Variants in DRC8 observed in about 807,000 individuals in gnomAD.
The protein encoded by DRC8 is dynein regulatory complex subunit 8.
the DRC8 span, among the ~76,000 whole-genome samples, chr1:245,116,774 A>G: frequency 1.3e-5 from 2 of 152,198 alleles, no homozygotes; most frequent in African/African-American, 4.8e-5. Context: ...GAAATATTTT[A>G]TCAACTAAAT....
chr1:245,007,381 C>T, the DRC8 span, among the ~76,000 whole-genome samples: 1 of 152,000 alleles, frequency 6.6e-6, no homozygotes, highest in Non-Finnish European at 1.5e-5. Flanking sequence ...CATTTAGGGA[C>T]AGATGGAGAC....
the DRC8 span, among the ~76,000 whole-genome samples, chr1:245,064,054 A>G: frequency 6.6e-6 from 1 of 152,158 alleles, no homozygotes; most frequent in Non-Finnish European, 1.5e-5. Context: ...AAAAAGAGAA[A>G]GAAAATTGAA....
chr1:245,037,521 T>G, the DRC8 span, among the ~76,000 whole-genome samples: 1 of 152,154 alleles, frequency 6.6e-6, no homozygotes, highest in Non-Finnish European at 1.5e-5. Flanking sequence ...GTTTCTTACT[T>G]AATAAAGAAG....
chr1:244,970,641 GCCCCGCCCCGCCCCGCCTCTCTCCC>G, the DRC8 span: 2 of 90,098 alleles, frequency 2.2e-5, no homozygotes. Context: ...CCGCCGCTCC[GCCCCGCCCCGCCCCGCCTCTCTCCC>G]CCGCCCCGCC....
At chr1:245,065,300 G>A in the DRC8 span, among the ~76,000 whole-genome samples, 7 of 151,880 alleles carry the variant, frequency 4.6e-5, no homozygotes, top group Non-Finnish European at 8.8e-5. Context: ...TGATCTGCCC[G>A]CCTCGGCCTC....
the DRC8 span, chr1:245,075,644 T>C: frequency 6.6e-6 from 1 of 152,022 alleles, no homozygotes; most frequent in Non-Finnish European, 1.5e-5. Context: ...TTAAGATGAA[T>C]TCCCTGCGAA....
At chr1:245,051,455 T>G in the DRC8 span, among the ~76,000 whole-genome samples, 1 of 150,660 alleles carries the variant, frequency 6.6e-6, no homozygotes. Context: ...AGCTTGGGGG[T>G]AGGGGACAGT....
chr1:244,985,088 T>TTTG, the DRC8 span, among the ~76,000 whole-genome samples: 3 of 151,366 alleles, frequency 2.0e-5, no homozygotes, highest in East Asian at 5.8e-4. Flanking sequence ...TTTTTTTTTT[T>TTTG]TTTTTTTTTT....
chr1:244,974,942 T>C, the DRC8 span, among the ~76,000 whole-genome samples: 48 of 152,184 alleles, frequency 3.2e-4, no homozygotes, highest in Non-Finnish European at 2.9e-5. Context: ...ATTTTTATTT[T>C]TTTTTTGAGA....
chr1:245,091,752 T>C, the DRC8 span: 1 of 152,236 alleles, frequency 6.6e-6, no homozygotes, highest in African/African-American at 2.4e-5. Flanking sequence ...TCTCATTTTA[T>C]CTCCTAAGTT....
At chr1:245,108,118 C>G in the DRC8 span, among the ~76,000 whole-genome samples, 1 of 152,100 alleles carries the variant, frequency 6.6e-6, no homozygotes, top group African/African-American at 2.4e-5. Context: ...CTTTAGACGT[C>G]TCTCCCCGTC....
At chr1:245,006,136 A>G in the DRC8 span, among the ~76,000 whole-genome samples, 1 of 152,166 alleles carries the variant, frequency 6.6e-6, no homozygotes, top group Non-Finnish European at 1.5e-5. Context: ...GGCCTTGCGA[A>G]CCATTGGAGG....
the DRC8 span, among the ~76,000 whole-genome samples, chr1:245,052,759 G>A: frequency 2.0e-5 from 3 of 152,182 alleles, no homozygotes; most frequent in South Asian, 6.2e-4. Context: ...TGAGAAGGAG[G>A]CTTGCCATCT....
At chr1:245,008,888 A>G in the DRC8 span, among the ~76,000 whole-genome samples, 1 of 151,682 alleles carries the variant, frequency 6.6e-6, no homozygotes, top group South Asian at 2.1e-4. Flanking sequence ...AGGTCTCGCT[A>G]TGTTGCTTAG....
At chr1:245,039,494 T>TTG in the DRC8 span, among the ~76,000 whole-genome samples, 2 of 134,554 alleles carry the variant, frequency 1.5e-5, no homozygotes, top group African/African-American at 5.5e-5. Flanking sequence ...AAAAAAGAGT[T>TTG]TGTGTATCCT....
chr1:245,044,726 C>T, the DRC8 span, among the ~76,000 whole-genome samples: 1 of 152,086 alleles, frequency 6.6e-6, no homozygotes, highest in East Asian at 1.9e-4. Context: ...GCCACCACGC[C>T]TGGCTATTTG....
At chr1:245,015,986 T>C in the DRC8 span, among the ~76,000 whole-genome samples, 2 of 145,768 alleles carry the variant, frequency 1.4e-5, no homozygotes, top group South Asian at 4.4e-4. Flanking sequence ...TTTTTTTTTT[T>C]TTTTGAGATG....
At chr1:244,969,806 C>A in the DRC8 span, 1 of 339,494 alleles carries the variant, frequency 2.9e-6, no homozygotes, top group Non-Finnish European at 5.3e-6. Context: ...ACGGTGAAGA[C>A]TGGACGGGAG....
At chr1:245,079,099 AAT>A in the DRC8 span, among the ~76,000 whole-genome samples, 2 of 152,216 alleles carry the variant, frequency 1.3e-5, no homozygotes, top group Non-Finnish European at 2.9e-5. Context: ...TATAATATAA[AAT>A]AGTGTCTATA....
Sources: gnomAD v4.1 joint callset for allele counts (sites outside exome capture counted in the v4.1 genomes callset) on GRCh38, gnomAD v4.1.1 for gene constraint, MANE v1.5 for transcripts, NCBI Gene and HGNC (gene_info 2026-07-23, HGNC 2026-07-21) for gene names.